LZTFL1: variants seen among roughly 807,000 people sequenced by gnomAD.
The protein encoded by LZTFL1 is leucine zipper transcription factor-like protein 1.
A neutral mutation model predicts 45.9 loss-of-function variants in LZTFL1; 25 were observed. The observed-to-expected ratio is 0.54, with a 90% CI of 0.40 to 0.76. The LOEUF (loss-of-function observed/expected upper bound fraction) is 0.76, where lower values mean the gene tolerates loss of function less well. LZTFL1 is among the 30% of genes least tolerant of loss of function. LZTFL1 has a pLI of 0.00. For synonymous variants in LZTFL1, 93 were observed against 117.4 expected (o/e 0.79, Z 1.35); for missense variants, 277 against 331.1 (o/e 0.84, Z 1.27).
Position 45,823,677 on chromosome 3 carries a change from G to A in LZTFL1, c.*2637C>T, listed in dbSNP as rs1199381882. On this transcript the variant is annotated 3_prime_UTR_variant, in exon 10 of 10. Coordinates refer to ENST00000296135, the MANE Select transcript of LZTFL1 (RefSeq NM_020347.4). ...AAATACTACTGTTTTGTCTAAATGT[G>A]AAATATCATTTTGCTGAAATAGCTT... 1 of 152,174 alleles carries A rather than the reference G, an allele frequency of 6.6e-6. No homozygotes were observed. The highest frequency in any genetic ancestry group is 2.4e-5 in the African/African-American group (1 of 41,446). The allele number at this position is 152,174 out of a possible 1,614,324, so 9.4% of individuals were successfully genotyped here.
At position 45,826,276 on chromosome 3, in the gene LZTFL1, T is replaced by C. The variant is rs778365209; in HGVS notation, c.*38A>G. ...CATGCCTGAGGTGAGACTGCTTGTA[T>C]GTTTGCATGTGGTAGCTTCCAGAGG... On this transcript the variant is annotated 3_prime_UTR_variant, in exon 10 of 10. Coordinates refer to ENST00000296135, the MANE Select transcript of LZTFL1 (RefSeq NM_020347.4). 1 of 1,598,912 alleles carries C rather than the reference T, an allele frequency of 6.3e-7. No homozygotes were observed. Among genetic ancestry groups the C allele is most frequent in the Admixed American group, 1.7e-5 (1 of 59,888 alleles).
intron 2 of LZTFL1, among the ~76,000 whole-genome samples, chr3:45,836,711 G>A (rs1700976984): frequency 6.6e-6 from 1 of 152,318 alleles, no homozygotes; most frequent in Admixed American, 6.5e-5. Context: ...TGGGTTGGAA[G>A]AGAACTTTGG....
intron 2 of LZTFL1, among the ~76,000 whole-genome samples, chr3:45,884,265 C>G (rs753191544): frequency 6.6e-6 from 1 of 152,160 alleles, no homozygotes; most frequent in Non-Finnish European, 1.5e-5. Context: ...GAAAGAAACA[C>G]AGCAAAGAAA....
chr3:45,830,872 T>TA, intron 7 of LZTFL1, 41 bp downstream of exon 7: 1 of 1,554,496 alleles, frequency 6.4e-7, no homozygotes, highest in Middle Eastern at 1.7e-4. Context: ...AACTTCATTC[T>TA]ACTTAGAAAA....
rs903792585 is a variant in LZTFL1 at position 45,900,773 on chromosome 3, T to G, written c.-215+12347A>C. ...CCATCAGACAGGACCTTCAAAATAT[T>G]TTCCTTGACCTAATGCCATCTTGTG... is the stretch of plus-strand genomic sequence containing the variant. On this transcript the variant is annotated intron_variant, in intron 2 of 4. Coordinates refer to the LZTFL1 transcript ENST00000472635. This position sits in a 1 kb window ranked among gnomAD's most constrained non-coding sequence, Gnocchi z 4.7. 1.3e-6 allele frequency: 2 copies of G among 1,571,472 alleles called. No individual in the cohort carries two copies. The highest frequency in any genetic ancestry group is 1.8e-5 in the Admixed American group (1 of 57,114).
Position 45,833,234 on chromosome 3 carries a change from G to A in LZTFL1, c.385-113C>T, listed in dbSNP as rs377670856. ...TACTATATATAAACATATTCACTGCGATGTCAGTTCCACAGGTGTGGAGAT... is the reference window on the plus strand; with the variant it reads ...TACTATATATAAACATATTCACTGCAATGTCAGTTCCACAGGTGTGGAGAT... On this transcript the variant is annotated intron_variant, in intron 4 of 9. Coordinates refer to ENST00000296135, the MANE Select transcript of LZTFL1 (RefSeq NM_020347.4). 106 of 723,356 alleles carry A rather than the reference G, an allele frequency of 1.5e-4. 2 individuals carry two copies. In the East Asian group the frequency reaches 2.0e-3, roughly 14 times the overall value. 44.8% of individuals were successfully genotyped at this position (723,356 alleles called of 1,614,324 possible). A position where few individuals can be genotyped will look rare whatever the true frequency, so the allele number is the denominator to read the frequency against.
intron 2 of LZTFL1, among the ~76,000 whole-genome samples, chr3:45,911,091 G>A (rs1287817669): frequency 6.6e-6 from 1 of 152,152 alleles, no homozygotes; most frequent in Admixed American, 6.5e-5. Context: ...GAGAACCAAG[G>A]GGAAGTTGCA....
upstream of LZTFL1, among the ~76,000 whole-genome samples, chr3:45,845,798 G>A (rs1384284406): frequency 6.6e-6 from 1 of 152,270 alleles, no homozygotes; most frequent in East Asian, 1.9e-4. Flanking sequence ...TACAAAGCTG[G>A]GGCTGTGTAG....
Position 45,838,039 on chromosome 3 carries a change from G to A in LZTFL1, c.16C>T (p.Leu6=). MAELG[L]NEHHQNEVIN... Reference sequence around the variant, plus strand: ...ACTTCATTTTGATGGTGCTCATTTAGGCCCAACTCTGCCTGAAAAAGAAAG... The same window carrying A: ...ACTTCATTTTGATGGTGCTCATTTAAGCCCAACTCTGCCTGAAAAAGAAAG... The change falls in exon 2 of 10, where the codon CTA becomes TTA. Residue 6 remains leucine, a synonymous_variant. Transcript: ENST00000296135. The A allele has an allele frequency of 6.3e-7, 1 of 1,597,440 alleles. No individual in the cohort carries two copies. The highest frequency in any genetic ancestry group is 2.2e-5 in the East Asian group (1 of 44,672).
In LZTFL1 at chr3:45,842,064, G is replaced by A; in HGVS notation, c.-73C>T. 1.9e-6 allele frequency: 3 copies of A among 1,595,252 alleles called. No homozygotes were observed. The highest frequency in any genetic ancestry group is 2.6e-6 in the Non-Finnish European group (3 of 1,172,924). ...GTGCCCCGCCAAGCCTGGGATCGCC[G>A]AGGGTAGTTGGACCACAGAAAATGG... On this transcript the variant is annotated 5_prime_UTR_variant, in exon 1 of 10. Coordinates refer to ENST00000296135, the MANE Select transcript of LZTFL1 (RefSeq NM_020347.4).
At chr3:45,860,905 G>A (rs1244570038) in intron 2 of LZTFL1, among the ~76,000 whole-genome samples, 1 of 152,124 alleles carries the variant, frequency 6.6e-6, no homozygotes, top group Non-Finnish European at 1.5e-5. Flanking sequence ...GAGATTTTCT[G>A]CTGAAATCTT....
intron 3 of LZTFL1, chr3:45,835,341 T>C: frequency 2.3e-6 from 1 of 433,026 alleles, no homozygotes; most frequent in Non-Finnish European, 4.1e-6. Context: ...TAATTAATGA[T>C]AGCCTGAAAA....
chr3:45,860,141 G>T (rs1172098178), intron 2 of LZTFL1, among the ~76,000 whole-genome samples: 2 of 152,142 alleles, frequency 1.3e-5, no homozygotes, highest in African/African-American at 4.8e-5. Flanking sequence ...GAGCCCAGAA[G>T]GTGGAGGTTG....
At chr3:45,832,937 T>C (rs757409544) in intron 5 of LZTFL1, 113 bp downstream of exon 5, 1 of 744,934 alleles carries the variant, frequency 1.3e-6, no homozygotes, top group Non-Finnish European at 2.3e-6. Flanking sequence ...ACTACTGCAA[T>C]GGACTAATTA....
intron 2 of LZTFL1, among the ~76,000 whole-genome samples, chr3:45,862,559 C>A (rs373965345): frequency 1.3e-5 from 2 of 152,232 alleles, no homozygotes; most frequent in Non-Finnish European, 2.9e-5. Context: ...CCAACCCTCG[C>A]GGGGAAACAG....
chr3:45,880,002 GCAC>G (rs1168203880), intron 2 of LZTFL1, among the ~76,000 whole-genome samples: 2 of 152,140 alleles, frequency 1.3e-5, no homozygotes, highest in Admixed American at 6.5e-5. Context: ...AGGGATGTAA[GCAC>G]CCTGAATCTA....
intron 7 of LZTFL1, among the ~76,000 whole-genome samples, chr3:45,829,608 GAAAAAAAAAAA>G (rs1206418827): frequency 1.7e-5 from 1 of 58,932 alleles, no homozygotes; most frequent in East Asian, 6.6e-4. Context: ...TGTCTCAAAA[GAAAAAAAAAAA>G]AAAAAAAAAA....
chr3:45,869,679 C>G (rs1193347151), intron 2 of LZTFL1, among the ~76,000 whole-genome samples: 1 of 152,154 alleles, frequency 6.6e-6, no homozygotes, highest in African/African-American at 2.4e-5. Flanking sequence ...CTGGAGATGG[C>G]TGGGCATGGC....
intron 3 of LZTFL1, among the ~76,000 whole-genome samples, chr3:45,857,668 C>T (rs771667643): frequency 5.9e-5 from 9 of 152,018 alleles, no homozygotes; most frequent in Admixed American, 1.3e-4. Flanking sequence ...TTTTAAAACC[C>T]GCTAGAGATG....
Sources: gnomAD v4.1 joint callset for allele counts (sites outside exome capture counted in the v4.1 genomes callset) on GRCh38, gnomAD v4.1.1 for gene constraint, Gnocchi (gnomAD v3.1) non-coding constraint, MANE v1.5 for transcripts, NCBI Gene and HGNC (gene_info 2026-07-23, HGNC 2026-07-21) for gene names.